VPS13D: variants seen among roughly 807,000 people sequenced by gnomAD.
The protein encoded by VPS13D is intermembrane lipid transfer protein VPS13D.
In VPS13D, 187 loss-of-function variants were observed where a neutral mutation model predicts 461.9. That is an observed-to-expected ratio of 0.40 (90% CI 0.36 to 0.46). The LOEUF is 0.46. Ranked by LOEUF, VPS13D falls within the 20% of genes least tolerant of loss-of-function variation. The probability of loss-of-function intolerance (pLI) is 0.60; values close to 1 mark genes in which losing one functional copy is unlikely to be tolerated. For missense variants in VPS13D, 4,711 were observed against 5,364.9 expected, an observed-to-expected ratio of 0.88 and a Z score of 3.81; for synonymous variants, 1,951 against 1,986.3, an observed-to-expected ratio of 0.98 and a Z score of 0.47.
chr1:12,381,968 TTCTTTCTTTCTTTCTCTC>T (rs1213042571), intron 57 of VPS13D, among the ~76,000 whole-genome samples: 5 of 141,656 alleles, frequency 3.5e-5, no homozygotes, highest in African/African-American at 1.4e-4. Context: ...CTTTCTTTCT[TTCTTTCTTTCTTTCTCTC>T]TCTCTCTCTC....
intron 68 of VPS13D, chr1:12,500,301 T>C: frequency 1.1e-6 from 1 of 875,160 alleles, no homozygotes; most frequent in Non-Finnish European, 1.4e-6. Context: ...ACAATTGTCA[T>C]TGCTTCCCAT....
At chr1:12,265,263 C>T (rs768272226) in intron 13 of VPS13D, among the ~76,000 whole-genome samples, 42 of 152,174 alleles carry the variant, frequency 2.8e-4, no homozygotes, top group Non-Finnish European at 1.8e-4. Flanking sequence ...CCCATGGATC[C>T]AGGAGTAATT....
chr1:12,345,619 A>G, intron 43 of VPS13D, 110 bp downstream of exon 43: 1 of 1,434,138 alleles, frequency 7.0e-7, no homozygotes, highest in Non-Finnish European at 9.4e-7. Context: ...CTTTCCCCTA[A>G]TTCTAGGACT....
intron 46 of VPS13D, among the ~76,000 whole-genome samples, chr1:12,351,508 T>A (rs1377469010): frequency 6.6e-6 from 1 of 152,130 alleles, no homozygotes; most frequent in Non-Finnish European, 1.5e-5. Flanking sequence ...CAGGCTGGTC[T>A]CAAACTCCTG....
In VPS13D at chr1:12,502,360, G is replaced by A. The variant is rs768779493; in HGVS notation, c.12795-4493G>A. Reference sequence around the variant, plus strand: ...ATCTGAGTGAGGAGGAGGGTTGAGAGTGGCTTCGGGCTCCTTGCCTGTCTG... The same window carrying A: ...ATCTGAGTGAGGAGGAGGGTTGAGAATGGCTTCGGGCTCCTTGCCTGTCTG... On this transcript the variant is annotated intron_variant, in intron 68 of 69. Transcript: ENST00000620676. The surrounding 1 kb of genome is among the most constrained non-coding windows in gnomAD (Gnocchi z 4.3). Among the ~76,000 whole-genome samples the A allele has an allele frequency of 3.6e-4, 55 of 152,308 alleles. No individual in the cohort carries two copies. Among genetic ancestry groups the A allele is most frequent in the Non-Finnish European group, 5.6e-4 (38 of 68,014 alleles).
At chr1:12,392,245 A>C (rs1282689986) in intron 60 of VPS13D, among the ~76,000 whole-genome samples, 1 of 152,100 alleles carries the variant, frequency 6.6e-6, no homozygotes, top group Non-Finnish European at 1.5e-5. Context: ...TAGTCTCAGC[A>C]CTTTGGGAGG....
In VPS13D at chr1:12,295,088, G is replaced by A. The variant is rs542249803; in HGVS notation, c.6033+1384G>A. Among the ~76,000 whole-genome samples the A allele has an allele frequency of 1.8e-3, 277 of 151,948 alleles. 1 individual carries two copies. Among genetic ancestry groups the A allele is most frequent in the Non-Finnish European group, 2.8e-3 (188 of 67,954 alleles). On this transcript the variant is annotated intron_variant, in intron 24 of 69. Transcript: ENST00000620676. ...AATACAGAAATTAGCCGGGTGTGGT[G>A]AGGCATGTGTCTGTAGTCCCAGGTA...
intron 67 of VPS13D, among the ~76,000 whole-genome samples, chr1:12,489,156 G>A (rs547021328): frequency 5.3e-5 from 8 of 152,182 alleles, no homozygotes; most frequent in Middle Eastern, 3.4e-3. Context: ...AGGTAGTCTC[G>A]CCCCTGAGGC....
chr1:12,285,501 G>A (rs1426343289), intron 21 of VPS13D, among the ~76,000 whole-genome samples: 1 of 151,878 alleles, frequency 6.6e-6, no homozygotes, highest in East Asian at 1.9e-4. Flanking sequence ...TGTTGGTCAG[G>A]CTGGTCTCAA....
At chr1:12,308,670 G>C (rs750750241) in intron 27 of VPS13D, 29 bp downstream of exon 27, 1 of 1,593,012 alleles carries the variant, frequency 6.3e-7, no homozygotes, top group African/African-American at 1.4e-5. Flanking sequence ...TTTTGAGATG[G>C]AGTCTCGCTC....
intron 58 of VPS13D, 146 bp downstream of exon 58, chr1:12,383,301 C>T (rs74374454): frequency 0.015 from 12,471 of 841,634 alleles, 332 homozygotes; most frequent in Admixed American, 0.11. Flanking sequence ...TAGGATCTAC[C>T]TCACAAAGTT....
chr1:12,275,831 C>G lies in VPS13D; in HGVS notation c.2243C>G (p.Ser748Cys). The change falls in exon 19 of 70, where the codon TCC becomes TGC. Residue 748 changes from serine to cysteine, a missense_variant. By Grantham distance (112) the Ser-to-Cys change is moderately radical. Transcript: ENST00000620676. ...TTCTTTTTTTTATCTTCAGATAACT[C>G]CAGGAGGAAAAGTAGGGATGGGTCA... is the stretch of plus-strand genomic sequence containing the variant. ...RMLLTNTQDNSRRKSRDGSAS... is the reference protein window; with the variant it reads ...RMLLTNTQDNCRRKSRDGSAS... 1 of 1,579,116 alleles carries G rather than the reference C, an allele frequency of 6.3e-7. No homozygotes were observed. Among genetic ancestry groups the G allele is most frequent in the African/African-American group, 1.4e-5 (1 of 73,036 alleles).
chr1:12,232,655 TTTTTTTTG>T, intron 1 of VPS13D, among the ~76,000 whole-genome samples: 1 of 147,862 alleles, frequency 6.8e-6, no homozygotes, highest in African/African-American at 2.5e-5. Flanking sequence ...TTTTTTTTTT[TTTTTTTTG>T]GTAATACTGG....
intron 55 of VPS13D, among the ~76,000 whole-genome samples, chr1:12,374,643 A>G (rs1557741039): frequency 6.6e-6 from 1 of 152,172 alleles, no homozygotes; most frequent in Non-Finnish European, 1.5e-5. Context: ...TTTTCTATAT[A>G]TGTATGCATA....
At chr1:12,503,992 C>CGGGGAGCGT (rs1370935164) in intron 68 of VPS13D, among the ~76,000 whole-genome samples, 4 of 152,046 alleles carry the variant, frequency 2.6e-5, no homozygotes, top group Non-Finnish European at 5.9e-5. Context: ...GAGGGGAGGG[C>CGGGGAGCGT]GGGGAGCGTG....
At chr1:12,461,882 G>A (rs989051174) in intron 67 of VPS13D, among the ~76,000 whole-genome samples, 1 of 152,158 alleles carries the variant, frequency 6.6e-6, no homozygotes, top group South Asian at 2.1e-4. Context: ...GTCTTCATGG[G>A]GGTTTTTCAT....
At chr1:12,312,039 T>TAAGGATA in intron 29 of VPS13D, 114 bp downstream of exon 29, 1 of 829,034 alleles carries the variant, frequency 1.2e-6, no homozygotes, top group South Asian at 1.7e-5. Flanking sequence ...TGGAATGTTG[T>TAAGGATA]CTGCAGAGTG....
intron 60 of VPS13D, among the ~76,000 whole-genome samples, chr1:12,392,916 C>G (rs969620947): frequency 6.6e-6 from 1 of 152,196 alleles, no homozygotes; most frequent in Non-Finnish European, 1.5e-5. Flanking sequence ...AACTGGCAGC[C>G]TTTCGGGTCA....
chr1:12,329,122 C>G (rs1473148415), intron 36 of VPS13D, among the ~76,000 whole-genome samples: 1 of 152,182 alleles, frequency 6.6e-6, no homozygotes, highest in Non-Finnish European at 1.5e-5. Flanking sequence ...CTATGTCAAT[C>G]TTAACATTTT....
Sources: allele counts gnomAD v4.1 joint callset (sites outside exome capture counted in the v4.1 genomes callset), GRCh38; gene constraint gnomAD v4.1.1; non-coding constraint Gnocchi (gnomAD v3.1); transcripts MANE v1.5; gene names NCBI Gene and HGNC (gene_info 2026-07-23, HGNC 2026-07-21).